TTC29: variants seen among roughly 807,000 people sequenced by gnomAD.
TTC29 encodes the protein tetratricopeptide repeat domain 29, also known as tetratricopeptide repeat protein 29.
Under a neutral mutation model 58.1 loss-of-function variants are expected in TTC29, and 49 were observed. The observed-to-expected ratio is 0.84, with a 90% CI of 0.67 to 1.07. TTC29 has a LOEUF of 1.07. Ranked by LOEUF, TTC29 falls within the 50% of genes least tolerant of loss-of-function variation. The pLI is 0.00. For synonymous variants in TTC29, 209 were observed against 196.8 expected (o/e 1.06, Z -0.52); for missense variants, 582 against 555.6 (o/e 1.05, Z -0.48).
intron 11 of TTC29, among the ~76,000 whole-genome samples, chr4:146,790,100 C>T (rs1472162494): frequency 1.3e-5 from 2 of 152,246 alleles, no homozygotes; most frequent in Admixed American, 1.3e-4. Context: ...GCCTTGATTC[C>T]TTATTTCAAT....
chr4:146,767,569 G>T (rs1257561153), intron 11 of TTC29, among the ~76,000 whole-genome samples: 1 of 151,996 alleles, frequency 6.6e-6, no homozygotes, highest in Non-Finnish European at 1.5e-5. Context: ...TCTATAGGTT[G>T]CTGTTTGGCA....
chr4:146,817,235 C>T (rs1046295416), intron 10 of TTC29, among the ~76,000 whole-genome samples: 12 of 152,340 alleles, frequency 7.9e-5, no homozygotes, highest in African/African-American at 2.6e-4. Context: ...TCAGCAAAGT[C>T]TCAGGGTACA....
intron 8 of TTC29, among the ~76,000 whole-genome samples, chr4:146,854,127 G>A (rs1164283068): frequency 4.6e-5 from 7 of 152,082 alleles, no homozygotes; most frequent in Non-Finnish European, 1.0e-4. Flanking sequence ...TAACTGGCTT[G>A]GCAATACACC....
In TTC29 at chr4:146,867,487, G is replaced by A. The variant is rs1730637193; in HGVS notation, c.885+11C>T. 1.4e-6 allele frequency: 2 copies of A among 1,396,072 alleles called. No homozygotes were observed. Among genetic ancestry groups the A allele is most frequent in the South Asian group, 1.6e-5 (1 of 61,720 alleles). The allele number at this position is 1,396,072 out of a possible 1,614,324, so 86.5% of individuals were successfully genotyped here. ...AAATTAAAAATGGCAGTGATTAAAA[G>A]TTTAGCTTACTGTTAATGCTGTTTC... On this transcript the variant is annotated intron_variant, in intron 8 of 12. Transcript: ENST00000325106.
At chr4:146,734,240 G>T (rs184885777) in intron 11 of TTC29, among the ~76,000 whole-genome samples, 1 of 152,244 alleles carries the variant, frequency 6.6e-6, no homozygotes, top group East Asian at 1.9e-4. Context: ...TGGCAATAAG[G>T]TCACTCTATT....
chr4:146,799,895 A>C (rs1750093223), intron 11 of TTC29, among the ~76,000 whole-genome samples: 1 of 152,208 alleles, frequency 6.6e-6, no homozygotes, highest in Non-Finnish European at 1.5e-5. Context: ...AGGCCAGATG[A>C]ATGAGCCTTT....
intron 11 of TTC29, among the ~76,000 whole-genome samples, chr4:146,743,467 G>A (rs955419290): frequency 6.6e-5 from 10 of 152,150 alleles, no homozygotes; most frequent in Non-Finnish European, 1.5e-4. Flanking sequence ...AGAGAGTTCA[G>A]AAGTGAACAA....
At chr4:146,865,709 GTA>G (rs537857438) in intron 8 of TTC29, among the ~76,000 whole-genome samples, 43 of 152,208 alleles carry the variant, frequency 2.8e-4, no homozygotes, top group African/African-American at 9.6e-4. Context: ...GTTAATAATG[GTA>G]TATTATATAC....
chr4:146,920,441 T>C (rs1734504160), intron 4 of TTC29, among the ~76,000 whole-genome samples: 1 of 151,018 alleles, frequency 6.6e-6, no homozygotes, highest in South Asian at 2.1e-4. Flanking sequence ...AAGAGAAATA[T>C]AACGTTTAAA....
At chr4:146,756,344 C>T (rs1746450702) in intron 11 of TTC29, among the ~76,000 whole-genome samples, 1 of 151,580 alleles carries the variant, frequency 6.6e-6, no homozygotes. Flanking sequence ...ATTTAGAAAT[C>T]CTATCAAGTA....
chr4:146,916,430 C>T (rs1258531982), intron 4 of TTC29, among the ~76,000 whole-genome samples: 1 of 151,460 alleles, frequency 6.6e-6, no homozygotes, highest in Non-Finnish European at 1.5e-5. Flanking sequence ...AAACTGAAAG[C>T]ATTTTTCTTA....
intron 6 of TTC29, among the ~76,000 whole-genome samples, chr4:146,877,396 C>T (rs1049304257): frequency 1.1e-4 from 16 of 152,018 alleles, no homozygotes; most frequent in African/African-American, 3.4e-4. Flanking sequence ...GTACCTTTTT[C>T]ACATTGAGAC....
chr4:146,921,732 T>C (rs1734594323), intron 4 of TTC29, among the ~76,000 whole-genome samples: 1 of 151,194 alleles, frequency 6.6e-6, no homozygotes, highest in African/African-American at 2.4e-5. Flanking sequence ...ACAGATAAAG[T>C]AGAGGGAGAA....
chr4:146,892,866 C>A, intron 6 of TTC29, among the ~76,000 whole-genome samples: 1 of 152,156 alleles, frequency 6.6e-6, no homozygotes, highest in South Asian at 2.1e-4. Flanking sequence ...GTGCAAAAAT[C>A]ACAAGCATTC....
chr4:146,731,550 A>G (rs1579546551), intron 11 of TTC29, among the ~76,000 whole-genome samples: 1 of 152,288 alleles, frequency 6.6e-6, no homozygotes. Flanking sequence ...AGGAAGAAAG[A>G]GGGACAAAGA....
intron 11 of TTC29, among the ~76,000 whole-genome samples, chr4:146,782,674 A>G (rs1748710300): frequency 6.6e-6 from 1 of 151,984 alleles, no homozygotes; most frequent in Admixed American, 6.6e-5. Context: ...ATGATGTAAA[A>G]TGCTGTCTAT....
chr4:146,870,155 A>G (rs1206278791), intron 7 of TTC29, among the ~76,000 whole-genome samples: 1 of 152,154 alleles, frequency 6.6e-6, no homozygotes, highest in Non-Finnish European at 1.5e-5. Flanking sequence ...AGTAGACTCC[A>G]TTGAAAAGGT....
intron 11 of TTC29, among the ~76,000 whole-genome samples, chr4:146,765,336 G>T (rs1359011465): frequency 1.3e-5 from 2 of 152,082 alleles, no homozygotes; most frequent in African/African-American, 4.8e-5. Context: ...TTATTTAAAT[G>T]CTCGGTCATT....
Position 146,909,174 on chromosome 4 carries a change from G to A in TTC29, c.252C>T (p.Leu84=). 6.2e-7 allele frequency: 1 copy of A among 1,613,800 alleles called. No homozygotes were observed. Residue 84 remains leucine, a synonymous_variant, in exon 5 of 13, where the codon CTC becomes CTT. Transcript: ENST00000325106. Reference sequence around the variant, plus strand: ...CATCCCACCGCTCCATCAGAGCGAAGAGCTCGGTGAAGGACTTATGATAAC... The same window carrying A: ...CATCCCACCGCTCCATCAGAGCGAAAAGCTCGGTGAAGGACTTATGATAAC... ...RDGYHKSFTE[L]FALMERWDAL...
Sources: gnomAD v4.1 joint callset for allele counts (sites outside exome capture counted in the v4.1 genomes callset) on GRCh38, gnomAD v4.1.1 for gene constraint, MANE v1.5 for transcripts, NCBI Gene and HGNC (gene_info 2026-07-23, HGNC 2026-07-21) for gene names.